The following PRSS23 variants were observed in gnomAD, a reference collection of about 807,000 sequenced individuals.
PRSS23 encodes serine protease 23, also known as protease, serine 23.
A neutral mutation model predicts 34.7 loss-of-function variants in PRSS23; 25 were observed. The observed-to-expected ratio is 0.72, with a 90% CI of 0.53 to 1.01. The LOEUF (loss-of-function observed/expected upper bound fraction) is 1.01. Among genes scored for constraint, PRSS23 ranks in the 50% least tolerant of loss-of-function variants. The pLI is 0.00. For missense variants in PRSS23, 445 were observed against 475.6 expected (o/e 0.94, Z 0.60); for synonymous variants, 176 against 186.6 (o/e 0.94, Z 0.46).
chr11:86,934,750 C>T (rs1316395821), intron 2 of PRSS23: 14 of 152,164 alleles, frequency 9.2e-5, no homozygotes, highest in Admixed American at 9.2e-4. Context: ...CCCAGGTCCC[C>T]AAGATAGTGG....
intron 2 of PRSS23, among the ~76,000 whole-genome samples, chr11:86,860,795 C>A (rs140241607): frequency 6.6e-6 from 1 of 152,018 alleles, no homozygotes; most frequent in African/African-American, 2.4e-5. Flanking sequence ...AATAATACTG[C>A]CCTCAGTATC....
intron 2 of PRSS23, chr11:86,837,212 A>G (rs1296462551): frequency 1.3e-5 from 2 of 152,238 alleles, no homozygotes; most frequent in Non-Finnish European, 2.9e-5. Flanking sequence ...AAGAACTCAA[A>G]TGTATTATTT....
At chr11:86,940,152 TC>T (rs1416041223) in intron 2 of PRSS23, among the ~76,000 whole-genome samples, 2 of 152,144 alleles carry the variant, frequency 1.3e-5, no homozygotes. Context: ...AAGGACCCTG[TC>T]CCCTCCACTA....
intron 2 of PRSS23, among the ~76,000 whole-genome samples, chr11:86,876,454 G>C (rs1948724742): frequency 6.6e-6 from 1 of 152,146 alleles, no homozygotes; most frequent in African/African-American, 2.4e-5. Flanking sequence ...TAACCACCTT[G>C]CCTACCTCAC....
At chr11:86,844,758 A>G (rs1948473764) in intron 2 of PRSS23, among the ~76,000 whole-genome samples, 1 of 152,236 alleles carries the variant, frequency 6.6e-6, no homozygotes, top group Non-Finnish European at 1.5e-5. Flanking sequence ...GTTCTATGGC[A>G]TGTTGCTGGA....
At chr11:86,817,581 T>A (rs1948223253) in intron 1 of PRSS23, among the ~76,000 whole-genome samples, 1 of 152,196 alleles carries the variant, frequency 6.6e-6, no homozygotes, top group Non-Finnish European at 1.5e-5. Context: ...TTCAAGAGTA[T>A]CACTATTCAG....
intron 2 of PRSS23, among the ~76,000 whole-genome samples, chr11:86,838,761 G>C (rs1948425754): frequency 6.6e-6 from 1 of 152,184 alleles, no homozygotes; most frequent in Non-Finnish European, 1.5e-5. Context: ...GCCCCTCTCA[G>C]ATGAAGCTTC....
intron 2 of PRSS23, among the ~76,000 whole-genome samples, chr11:86,898,787 C>A (rs1043300314): frequency 1.3e-5 from 2 of 152,186 alleles, no homozygotes; most frequent in African/African-American, 4.8e-5. Flanking sequence ...CTTCTCTGAA[C>A]CTTCATTTCC....
chr11:86,843,590 C>T (rs1948464533), intron 2 of PRSS23, among the ~76,000 whole-genome samples: 1 of 152,094 alleles, frequency 6.6e-6, no homozygotes, highest in Non-Finnish European at 1.5e-5. Flanking sequence ...AAAGCCCCAT[C>T]AAAAAGTGGG....
At chr11:86,906,219 C>T (rs1157152945) in intron 2 of PRSS23, among the ~76,000 whole-genome samples, 1 of 152,186 alleles carries the variant, frequency 6.6e-6, no homozygotes, top group Non-Finnish European at 1.5e-5. Context: ...AAGGCCACAC[C>T]GGGATTGGAA....
rs564885802 is a variant in PRSS23, at chr11:86,811,166, G to T, written c.*2371G>T. On this transcript the variant is annotated 3_prime_UTR_variant, in exon 2 of 2. Coordinates refer to ENST00000280258, the MANE Select transcript of PRSS23 (RefSeq NM_007173.6). ...GTCTGCACATTAAAAGCTCTGGGAAGACCTGTTGTAAAGGGACAAGTTGAG... is the reference window on the plus strand; with the variant it reads ...GTCTGCACATTAAAAGCTCTGGGAATACCTGTTGTAAAGGGACAAGTTGAG... 6.0e-6 allele frequency: 1 copy of T among 167,210 alleles called. No individual in the cohort carries two copies. The highest frequency in any genetic ancestry group is 1.9e-4 in the East Asian group (1 of 5,192). 10.4% of individuals were successfully genotyped at this position (167,210 alleles called of 1,614,324 possible).
downstream of PRSS23, among the ~76,000 whole-genome samples, chr11:86,815,408 G>A (rs1948208200): frequency 6.6e-6 from 1 of 152,158 alleles, no homozygotes; most frequent in Non-Finnish European, 1.5e-5. Context: ...AACAGTGCCT[G>A]GCATGTAGGT....
chr11:86,895,131 A>G (rs1372411765), intron 2 of PRSS23, among the ~76,000 whole-genome samples: 1 of 152,226 alleles, frequency 6.6e-6, no homozygotes, highest in Non-Finnish European at 1.5e-5. Context: ...ACATATAAAG[A>G]TTTAATCAAA....
intron 2 of PRSS23, among the ~76,000 whole-genome samples, chr11:86,830,565 A>G (rs1948345689): frequency 6.6e-6 from 1 of 152,170 alleles, no homozygotes; most frequent in South Asian, 2.1e-4. Flanking sequence ...GAAATGCAGA[A>G]ATCACCCATC....
intron 2 of PRSS23, among the ~76,000 whole-genome samples, chr11:86,895,489 T>A (rs1042152851): frequency 2.9e-4 from 41 of 143,314 alleles, no homozygotes; most frequent in African/African-American, 9.2e-4. Flanking sequence ...TTTTTTTTTT[T>A]TTTTTTTTTT....
rs377704236 is a variant in PRSS23, at chr11:86,875,970, C to T, written c.206+52377C>T. Among the ~76,000 whole-genome samples, 8 of 152,252 alleles carry T rather than the reference C, an allele frequency of 5.3e-5. No homozygotes were observed. The East Asian group carries it at 5.8e-4, about 11-fold the overall frequency. On this transcript the variant is annotated intron_variant, in intron 2 of 2. Coordinates refer to the PRSS23 transcript ENST00000533902. ...CCATAATTAAAAATATAAAATAAAA[C>T]ACTGTGGGCTCCTTTATATGGCAGA...
chr11:86,913,839 A>C (rs1391943251), intron 2 of PRSS23, among the ~76,000 whole-genome samples: 1 of 151,482 alleles, frequency 6.6e-6, no homozygotes, highest in African/African-American at 2.4e-5. Context: ...GAGAAGAGGC[A>C]GGGAGTGATA....
At chr11:86,947,922 A>C (rs913210315) in intron 2 of PRSS23, 4 of 152,244 alleles carry the variant, frequency 2.6e-5, no homozygotes, top group Non-Finnish European at 4.4e-5. Flanking sequence ...AAAGAAAAAC[A>C]ACCCTCACCT....
At chr11:86,879,932 C>T (rs1382897128) in intron 2 of PRSS23, among the ~76,000 whole-genome samples, 1 of 150,202 alleles carries the variant, frequency 6.7e-6, no homozygotes, top group South Asian at 2.1e-4. Flanking sequence ...GCCACCACCC[C>T]GTCTGGGAGG....
Sources: allele counts gnomAD v4.1 joint callset (sites outside exome capture counted in the v4.1 genomes callset), GRCh38; gene constraint gnomAD v4.1.1; transcripts MANE v1.5; gene names NCBI Gene and HGNC (gene_info 2026-07-23, HGNC 2026-07-21).